COL25A1: variants seen among roughly 807,000 people sequenced by gnomAD.
The protein encoded by COL25A1 is collagen alpha-1(XXV) chain.
Under a neutral mutation model 128.4 loss-of-function variants are expected in COL25A1, and 103 were observed. That is an observed-to-expected ratio of 0.80 (90% CI 0.68 to 0.94). The LOEUF (loss-of-function observed/expected upper bound fraction) is 0.94, where lower values mean the gene tolerates loss of function less well. Ranked by LOEUF, COL25A1 falls within the 40% of genes least tolerant of loss-of-function variation. The pLI is 0.00. For synonymous variants in COL25A1, 279 were observed against 277.2 expected (o/e 1.01, Z -0.06); for missense variants, 745 against 840.0 (o/e 0.89, Z 1.40).
chr4:108,863,235 TG>T (rs1295829284), intron 21 of COL25A1, 83 bp downstream of exon 21: 6 of 1,288,772 alleles, frequency 4.7e-6, no homozygotes, highest in Non-Finnish European at 6.7e-6. Flanking sequence ...TTTTAATACC[TG>T]TTAAGAATGT....
At chr4:109,272,556 C>T (rs978770930) in intron 3 of COL25A1, among the ~76,000 whole-genome samples, 4 of 152,128 alleles carry the variant, frequency 2.6e-5, no homozygotes, top group African/African-American at 9.7e-5. Flanking sequence ...TATTCATTTC[C>T]CAACTGTTCA....
At chr4:108,891,700 CCG>C (rs1400084997) in intron 16 of COL25A1, among the ~76,000 whole-genome samples, 5 of 150,974 alleles carry the variant, frequency 3.3e-5, no homozygotes, top group African/African-American at 1.2e-4. Context: ...AATTCTACTG[CCG>C]TGTTTTAGGT....
At chr4:109,248,920 A>C (rs1318280442) in intron 3 of COL25A1, among the ~76,000 whole-genome samples, 3 of 152,178 alleles carry the variant, frequency 2.0e-5, no homozygotes, top group Non-Finnish European at 2.9e-5. Context: ...CATCCCTCAT[A>C]TAAGGGAGAC....
intron 3 of COL25A1, among the ~76,000 whole-genome samples, chr4:109,091,433 T>C (rs1245644185): frequency 6.6e-6 from 1 of 152,208 alleles, no homozygotes; most frequent in African/African-American, 2.4e-5. Context: ...GTCTATACAA[T>C]TTAATTCTCA....
At chr4:109,027,484 A>G (rs1648045) in intron 5 of COL25A1, among the ~76,000 whole-genome samples, 75,213 of 151,708 alleles carry the variant, frequency 0.5, 21,262 homozygotes, top group African/African-American at 0.76. Flanking sequence ...GCTTTTAATC[A>G]GGATGAAATA....
chr4:108,873,646 T>C (rs1200269270), intron 19 of COL25A1, among the ~76,000 whole-genome samples: 1 of 151,986 alleles, frequency 6.6e-6, no homozygotes, highest in Non-Finnish European at 1.5e-5. Context: ...AGTGTCTTCT[T>C]GTCACCTTTT....
intron 8 of COL25A1, among the ~76,000 whole-genome samples, chr4:108,961,827 C>G (rs1196216290): frequency 6.6e-6 from 1 of 152,070 alleles, no homozygotes; most frequent in African/African-American, 2.4e-5. Context: ...TTTTAATAGT[C>G]TAGCTAAGTA....
Position 108,819,289 on chromosome 4 carries a change from TG to T in COL25A1, c.1885del (p.Gln629SerfsTer39), listed in dbSNP as rs1731543048. On this transcript the variant is annotated frameshift_variant, in exon 36 of 38. Transcript: ENST00000399132. LOFTEE classifies it high-confidence loss of function. ...GVKGEKGEPG[Q>X]PGLDGLDAPC... ...GGCATCCAGCCCATCCAGGCCAGGC[TG>T]GCCTGGCTCCCCTTTTTCCCCCTTA... is the stretch of plus-strand genomic sequence containing the variant. 6.2e-7 allele frequency: 1 copy of T among 1,613,576 alleles called. No homozygotes were observed.
chr4:109,154,171 TTAAA>T (rs1190061236), intron 3 of COL25A1, among the ~76,000 whole-genome samples: 1 of 152,170 alleles, frequency 6.6e-6, no homozygotes, highest in Non-Finnish European at 1.5e-5. Context: ...CAAATCTAGG[TTAAA>T]TATATTTTAT....
chr4:109,059,616 G>A (rs1464516136), intron 3 of COL25A1, among the ~76,000 whole-genome samples: 5 of 152,154 alleles, frequency 3.3e-5, no homozygotes, highest in African/African-American at 9.7e-5. Flanking sequence ...AAAAGACACT[G>A]TTCTCTCTTC....
intron 3 of COL25A1, among the ~76,000 whole-genome samples, chr4:109,294,973 T>G (rs1417833792): frequency 6.6e-6 from 1 of 152,038 alleles, no homozygotes; most frequent in East Asian, 1.9e-4. Context: ...CTATTTTCAT[T>G]AACATCATGT....
intron 31 of COL25A1, among the ~76,000 whole-genome samples, chr4:108,839,067 G>T (rs1734125460): frequency 6.6e-6 from 1 of 151,982 alleles, no homozygotes; most frequent in Admixed American, 6.6e-5. Flanking sequence ...GTCTTGCTGG[G>T]TGGGGGCGGG....
chr4:109,106,185 C>T (rs954678314), intron 3 of COL25A1, among the ~76,000 whole-genome samples: 1 of 152,008 alleles, frequency 6.6e-6, no homozygotes, highest in African/African-American at 2.4e-5. Context: ...TTTTTGCCTC[C>T]CTACTCCTAT....
intron 6 of COL25A1, among the ~76,000 whole-genome samples, chr4:109,009,210 T>A (rs1023899785): frequency 4.6e-5 from 7 of 152,214 alleles, no homozygotes; most frequent in Admixed American, 3.3e-4. Flanking sequence ...AATATGGCCA[T>A]TTCAAATTTA....
intron 3 of COL25A1, among the ~76,000 whole-genome samples, chr4:109,081,085 C>T (rs1474794735): frequency 6.6e-6 from 1 of 152,154 alleles, no homozygotes; most frequent in East Asian, 1.9e-4. Context: ...CATGCATGGT[C>T]AATATTTCCC....
chr4:109,064,793 T>C (rs1762263482), intron 3 of COL25A1, among the ~76,000 whole-genome samples: 1 of 152,206 alleles, frequency 6.6e-6, no homozygotes, highest in Admixed American at 6.5e-5. Flanking sequence ...TCTTTCTAAC[T>C]AAATGACCAC....
intron 13 of COL25A1, among the ~76,000 whole-genome samples, chr4:108,906,473 T>C (rs1324081556): frequency 5.3e-5 from 8 of 152,186 alleles, no homozygotes; most frequent in Non-Finnish European, 1.2e-4. Context: ...TGTGCCTTTC[T>C]CTATTATACC....
intron 12 of COL25A1, among the ~76,000 whole-genome samples, chr4:108,919,507 G>T (rs1309803650): frequency 1.3e-5 from 2 of 152,086 alleles, no homozygotes; most frequent in Admixed American, 6.6e-5. Context: ...GTGCTTGGGG[G>T]ATAAAAAGTC....
At chr4:109,162,401 C>T (rs1041950635) in intron 3 of COL25A1, among the ~76,000 whole-genome samples, 5 of 152,080 alleles carry the variant, frequency 3.3e-5, no homozygotes, top group Admixed American at 2.6e-4. Flanking sequence ...TGCAGAAGAG[C>T]GAAAAGAAGT....
Sources: allele counts gnomAD v4.1 joint callset (sites outside exome capture counted in the v4.1 genomes callset), GRCh38; gene constraint gnomAD v4.1.1; transcripts MANE v1.5; gene names NCBI Gene and HGNC (gene_info 2026-07-23, HGNC 2026-07-21).